Variants in TMEM176B observed in about 807,000 individuals in gnomAD.
The protein encoded by TMEM176B is transmembrane protein 176B.
A neutral mutation model predicts 30.3 loss-of-function variants in TMEM176B; 28 were observed. That is an observed-to-expected ratio of 0.92 (90% CI 0.68 to 1.27). The LOEUF is 1.27. TMEM176B is among the 50% of genes most tolerant of loss of function. The pLI is 0.00. For missense variants in TMEM176B, 349 were observed against 327.4 expected, an observed-to-expected ratio of 1.07 and a Z score of -0.51; for synonymous variants, 123 against 130.3, an observed-to-expected ratio of 0.94 and a Z score of 0.38.
upstream of TMEM176B, chr7:150,800,905 G>A (rs1185754023): frequency 6.1e-6 from 6 of 985,298 alleles, no homozygotes; most frequent in African/African-American, 5.2e-5. Flanking sequence ...CACAGTTGGA[G>A]GAGCGTAGGA....
At position 150,791,482 on chromosome 7, in the gene TMEM176B, G is replaced by T; in HGVS notation, c.*49C>A. On this transcript the variant is annotated 3_prime_UTR_variant, in exon 7 of 7. Transcript: ENST00000326442. ...TGAGGAGCCAGGAGTGGGGGCCCTGGGCTGCCCTAGACAGGGACATGCGGG... is the reference window on the plus strand; with the variant it reads ...TGAGGAGCCAGGAGTGGGGGCCCTGTGCTGCCCTAGACAGGGACATGCGGG... 6.5e-7 allele frequency: 1 copy of T among 1,539,004 alleles called. No individual in the cohort carries two copies. Among genetic ancestry groups the T allele is most frequent in the Non-Finnish European group, 8.9e-7 (1 of 1,121,346 alleles).
At chr7:150,794,783 A>G (rs995141583) in intron 2 of TMEM176B, among the ~76,000 whole-genome samples, 1 of 151,918 alleles carries the variant, frequency 6.6e-6, no homozygotes, top group African/African-American at 2.4e-5. Flanking sequence ...TCATACCCCA[A>G]TAAGCCGTTC....
chr7:150,796,363 T>C lies in TMEM176B; in HGVS notation c.204+3A>G. ...CCCCAACCCCGCACCACCCCAGTCT[T>C]ACCCCTAGAGCCAGCTGCTCATAAC... is the stretch of plus-strand genomic sequence containing the variant. On this transcript the variant is annotated splice_donor_region_variant and intron_variant, in intron 2 of 6. Coordinates refer to ENST00000326442, the MANE Select transcript of TMEM176B (RefSeq NM_001101312.2). 2 of 1,614,106 alleles carry C rather than the reference T, an allele frequency of 1.2e-6. No individual in the cohort carries two copies. The highest frequency in any genetic ancestry group is 1.7e-6 in the Non-Finnish European group (2 of 1,179,970).
chr7:150,801,219 G>T (rs867040142), upstream of TMEM176B: 85 of 229,822 alleles, frequency 3.7e-4, no homozygotes, highest in Middle Eastern at 8.6e-3. Flanking sequence ...CCGGGAGGAG[G>T]GGGTGAGGGG....
chr7:150,791,390 C>A lies in TMEM176B; in HGVS notation c.*141G>T. On this transcript the variant is annotated 3_prime_UTR_variant, in exon 7 of 7. Coordinates refer to ENST00000326442, the MANE Select transcript of TMEM176B (RefSeq NM_001101312.2). ...GGACTTGAGAACCCCAGAGTGGGAACAGCAGGTGCGGATGTGGGGAGAAGA... is the reference window on the plus strand; with the variant it reads ...GGACTTGAGAACCCCAGAGTGGGAAAAGCAGGTGCGGATGTGGGGAGAAGA... The A allele has an allele frequency of 1.6e-6, 1 of 611,414 alleles. No homozygotes were observed. Among genetic ancestry groups the A allele is most frequent in the South Asian group, 2.2e-5 (1 of 45,974 alleles). The allele number at this position is 611,414 out of a possible 1,614,324, so 37.9% of individuals were successfully genotyped here.
chr7:150,792,265 C>G (rs558132909), intron 5 of TMEM176B, 90 bp from the exon 6 acceptor site: 1 of 1,531,446 alleles, frequency 6.5e-7, no homozygotes, highest in Non-Finnish European at 8.9e-7. Context: ...CAGGCACTGA[C>G]TCTATCCAGC....
chr7:150,793,360 G>A (rs772471039), intron 4 of TMEM176B, 45 bp from the exon 5 acceptor site: 3 of 1,573,958 alleles, frequency 1.9e-6, no homozygotes, highest in Admixed American at 1.8e-5. Flanking sequence ...TCAATCGGTG[G>A]AAGAGTCATG....
chr7:150,801,035 G>A (rs1375640521), upstream of TMEM176B: 1 of 976,674 alleles, frequency 1.0e-6, no homozygotes, highest in African/African-American at 1.8e-5. Flanking sequence ...GGGGCGGCGT[G>A]AACCCGTCGG....
chr7:150,793,583 AGCTCCTGCT>A lies in TMEM176B; in HGVS notation c.324_332del (p.Ala109_Ala111del). Reference sequence around the variant, plus strand: ...GGTGCTTCTCATGGACAATGGCCCCAGCTCCTGCTGCGATCACCTGAAAAGAGACACCAG... The same window carrying A: ...GGTGCTTCTCATGGACAATGGCCCCAGCGATCACCTGAAAAGAGACACCAG... On this transcript the variant is annotated inframe_deletion, in exon 4 of 7. Coordinates refer to ENST00000326442, the MANE Select transcript of TMEM176B (RefSeq NM_001101312.2). 1 of 1,613,650 alleles carries A rather than the reference AGCTCCTGCT, an allele frequency of 6.2e-7. No homozygotes were observed.
chr7:150,795,679 C>T (rs1798496757), intron 2 of TMEM176B, among the ~76,000 whole-genome samples: 1 of 152,210 alleles, frequency 6.6e-6, no homozygotes. Flanking sequence ...GACTGTTCTT[C>T]CTGTTGCCCT....
chr7:150,796,277 G>A (rs1216704604), intron 2 of TMEM176B, 89 bp downstream of exon 2: 6 of 1,321,332 alleles, frequency 4.5e-6, no homozygotes, highest in Non-Finnish European at 6.4e-6. Context: ...CAAATAAAAC[G>A]TTTTAATTTT....
intron 1 of TMEM176B, 153 bp from the exon 2 acceptor site, chr7:150,796,727 G>C: frequency 6.8e-6 from 5 of 736,662 alleles, no homozygotes; most frequent in Non-Finnish European, 1.1e-5. Context: ...GGGAGGCTGA[G>C]GTGGGTGGAT....
At chr7:150,798,661 C>T (rs1798626153) in intron 1 of TMEM176B, among the ~76,000 whole-genome samples, 1 of 152,182 alleles carries the variant, frequency 6.6e-6, no homozygotes, top group Non-Finnish European at 1.5e-5. Context: ...ATCCTCCCAC[C>T]TCAGCCTCCC....
intron 6 of TMEM176B, 97 bp downstream of exon 6, chr7:150,791,959 C>T: frequency 6.5e-7 from 1 of 1,548,914 alleles, no homozygotes; most frequent in Non-Finnish European, 8.8e-7. Context: ...CCAGGCCCAG[C>T]CTCAGGTTCG....
At chr7:150,793,426 T>C in intron 4 of TMEM176B, 111 bp from the exon 5 acceptor site, 3 of 1,510,988 alleles carry the variant, frequency 2.0e-6, no homozygotes, top group Non-Finnish European at 2.7e-6. Context: ...GGAAACCCTC[T>C]CCTCCCCTCC....
At chr7:150,798,326 G>A (rs1209475858) in intron 1 of TMEM176B, among the ~76,000 whole-genome samples, 2 of 151,642 alleles carry the variant, frequency 1.3e-5, no homozygotes, top group East Asian at 1.9e-4. Flanking sequence ...TCGCTCTGTC[G>A]CCCAGGCTAG....
At chr7:150,799,830 C>A (rs1034018775) in intron 1 of TMEM176B, among the ~76,000 whole-genome samples, 3 of 152,254 alleles carry the variant, frequency 2.0e-5, no homozygotes, top group Non-Finnish European at 2.9e-5. Context: ...TCGCCCCCGC[C>A]TGAAGAGTCG....
intron 1 of TMEM176B, among the ~76,000 whole-genome samples, chr7:150,796,953 C>CA (rs201514860): frequency 0.12 from 17,986 of 151,074 alleles, 2,368 homozygotes; most frequent in African/African-American, 0.33. Flanking sequence ...GACTCCATCT[C>CA]AAAAAAAACA....
intron 3 of TMEM176B, 80 bp downstream of exon 3, chr7:150,793,881 G>A (rs1798415381): frequency 1.1e-5 from 14 of 1,304,812 alleles, no homozygotes; most frequent in African/African-American, 3.0e-5. Context: ...CTTCCCCAAA[G>A]CCCCAACCAA....
Sources: gnomAD v4.1 joint callset for allele counts (sites outside exome capture counted in the v4.1 genomes callset) on GRCh38, gnomAD v4.1.1 for gene constraint, MANE v1.5 for transcripts, NCBI Gene and HGNC (gene_info 2026-07-23, HGNC 2026-07-21) for gene names.